PSD2: variants seen among roughly 807,000 people sequenced by gnomAD.
The protein encoded by PSD2 is PH and SEC7 domain-containing protein 2.
Under a neutral mutation model 69.8 loss-of-function variants are expected in PSD2, and 38 were observed. The observed-to-expected ratio is 0.54, with a 90% CI of 0.42 to 0.71. PSD2 has a LOEUF of 0.71. Ranked by LOEUF, PSD2 falls within the 30% of genes least tolerant of loss-of-function variation. The pLI is 0.00. For missense variants in PSD2, 943 were observed against 1,014.5 expected, an observed-to-expected ratio of 0.93 and a Z score of 0.96; for synonymous variants, 412 against 423.0, an observed-to-expected ratio of 0.97 and a Z score of 0.32.
rs754520216 is a variant in PSD2 at position 139,821,867 on chromosome 5, C to T, written c.1098-26C>T. On this transcript the variant is annotated intron_variant, in intron 5 of 14. Transcript: ENST00000274710. Reference sequence around the variant, plus strand: ...ACCCTGGGTGAGGACTCAGACTGCCCTCAGCAGCTTTGAATTGCCTTCCAG... The same window carrying T: ...ACCCTGGGTGAGGACTCAGACTGCCTTCAGCAGCTTTGAATTGCCTTCCAG... 15 of 1,487,554 alleles carry T rather than the reference C, an allele frequency of 1.0e-5. No individual in the cohort carries two copies. In the South Asian group the frequency reaches 1.8e-4, roughly 18 times the overall value. 92.1% of individuals were successfully genotyped at this position (1,487,554 alleles called of 1,614,324 possible). A position where few individuals can be genotyped will look rare whatever the true frequency, so the allele number is the denominator to read the frequency against.
the PSD2 span, among the ~76,000 whole-genome samples, chr5:139,763,828 C>T: frequency 6.6e-6 from 1 of 152,232 alleles, no homozygotes; most frequent in Non-Finnish European, 1.5e-5. Context: ...CTTGCTATGC[C>T]TGGTCGACTT....
chr5:139,796,551 A>T (rs1759534138), intron 1 of PSD2, among the ~76,000 whole-genome samples: 1 of 152,220 alleles, frequency 6.6e-6, no homozygotes, highest in South Asian at 2.1e-4. Flanking sequence ...CGTGGCAGTC[A>T]GGGCTGAGGA....
At chr5:139,766,911 TCC>T in the PSD2 span, among the ~76,000 whole-genome samples, 153 of 31,048 alleles carry the variant, frequency 4.9e-3, 5 homozygotes, top group Middle Eastern at 0.031. Flanking sequence ...TTCCCTCCCT[TCC>T]TTCCTTCCTT....
In PSD2 at chr5:139,840,052, A is replaced by G. The variant is rs755653845; in HGVS notation, c.1994A>G (p.Asn665Ser). ...GAGGAGCAACTGCGGTCTCATGAGA[A>G]TAAGTTGAGGCAGCTGACTGCGGAG... Reference protein sequence around the residue: ...CQEEQLRSHENKLRQLTAELA... With the variant: ...CQEEQLRSHESKLRQLTAELA... Residue 665 changes from asparagine to serine, a missense_variant, in exon 14 of 15, where the codon AAT becomes AGT. Asn to Ser is a conservative substitution (Grantham distance 46). Coordinates refer to ENST00000274710, the MANE Select transcript of PSD2 (RefSeq NM_032289.4). 1.3e-5 allele frequency: 21 copies of G among 1,614,104 alleles called. No individual in the cohort carries two copies. The Admixed American group carries it at 1.8e-4, about 14-fold the overall frequency.
the PSD2 span, among the ~76,000 whole-genome samples, chr5:139,755,362 G>A: frequency 1.3e-5 from 2 of 152,162 alleles, no homozygotes; most frequent in East Asian, 1.9e-4. Flanking sequence ...GAGGGGATTT[G>A]TGCTTTGATG....
At chr5:139,789,145 C>T in the PSD2 span, among the ~76,000 whole-genome samples, 1 of 152,242 alleles carries the variant, frequency 6.6e-6, no homozygotes, top group Non-Finnish European at 1.5e-5. Context: ...GCGTTTGTCC[C>T]TGGCCACTCA....
At chr5:139,764,353 AG>A in the PSD2 span, among the ~76,000 whole-genome samples, 2 of 152,136 alleles carry the variant, frequency 1.3e-5, no homozygotes, top group African/African-American at 4.8e-5. Context: ...CTTGGGCTGC[AG>A]TTCCGCCTGG....
At chr5:139,766,859 C>CTTTCTTTCTTTT in the PSD2 span, among the ~76,000 whole-genome samples, 1 of 149,744 alleles carries the variant, frequency 6.7e-6, no homozygotes, top group Non-Finnish European at 1.5e-5. Context: ...TTCTTTCTTT[C>CTTTCTTTCTTTT]TTTCTTTCTT....
At chr5:139,823,472 C>T (rs762466348) in intron 7 of PSD2, among the ~76,000 whole-genome samples, 2 of 152,184 alleles carry the variant, frequency 1.3e-5, no homozygotes, top group Non-Finnish European at 2.9e-5. Context: ...GGGAATATCT[C>T]AGTGACTCAT....
intron 4 of PSD2, 108 bp from the exon 5 acceptor site, chr5:139,817,373 T>G: frequency 1.1e-6 from 1 of 902,454 alleles, no homozygotes. Flanking sequence ...GTTGAGCAGG[T>G]CTAGGGGGTG....
At chr5:139,756,169 T>C in the PSD2 span, among the ~76,000 whole-genome samples, 2 of 152,108 alleles carry the variant, frequency 1.3e-5, no homozygotes, top group African/African-American at 4.8e-5. Flanking sequence ...AAGGGAGGGT[T>C]ATTTCTCCCC....
intron 7 of PSD2, among the ~76,000 whole-genome samples, chr5:139,825,642 T>G (rs934573423): frequency 7.3e-5 from 9 of 122,632 alleles, no homozygotes; most frequent in African/African-American, 2.3e-4. Flanking sequence ...TGTGGCTAGC[T>G]GGGGGTGCCA....
chr5:139,779,376 T>C, the PSD2 span, among the ~76,000 whole-genome samples: 12,998 of 152,246 alleles, frequency 0.085, 612 homozygotes, highest in African/African-American at 0.098. Context: ...TTCTAATTTA[T>C]TTTAGTGCCA....
intron 12 of PSD2, 105 bp from the exon 13 acceptor site, chr5:139,838,523 C>T (rs1760793522): frequency 1.6e-6 from 2 of 1,263,252 alleles, no homozygotes; most frequent in Admixed American, 1.8e-5. Context: ...TCTAGAGGTA[C>T]TGGTGCCTTC....
the PSD2 span, among the ~76,000 whole-genome samples, chr5:139,765,445 G>C: frequency 6.6e-6 from 1 of 152,158 alleles, no homozygotes; most frequent in Non-Finnish European, 1.5e-5. Context: ...CACATCCACT[G>C]TAGTTCCCCA....
upstream of PSD2, among the ~76,000 whole-genome samples, chr5:139,793,304 C>T (rs1250889106): frequency 1.3e-5 from 2 of 152,222 alleles, no homozygotes; most frequent in African/African-American, 4.8e-5. Context: ...ATACTCCCCT[C>T]TCCAGTGTCC....
upstream of PSD2, among the ~76,000 whole-genome samples, chr5:139,792,857 T>TATTTC (rs1759439546): frequency 9.6e-6 from 1 of 104,620 alleles, no homozygotes; most frequent in Non-Finnish European, 2.0e-5. Context: ...TTTCTTTCTG[T>TATTTC]CTTTCCTTCC....
chr5:139,809,955 T>A, intron 2 of PSD2, 144 bp downstream of exon 2: 1 of 919,076 alleles, frequency 1.1e-6, no homozygotes, highest in Non-Finnish European at 1.6e-6. Context: ...GCCCAGATTC[T>A]GGGTGTTTTG....
At chr5:139,753,640 A>G in the PSD2 span, among the ~76,000 whole-genome samples, 1 of 152,092 alleles carries the variant, frequency 6.6e-6, no homozygotes, top group African/African-American at 2.4e-5. Flanking sequence ...CTTGTGTTGG[A>G]TGCTGATGCT....
Sources: allele counts gnomAD v4.1 joint callset (sites outside exome capture counted in the v4.1 genomes callset), GRCh38; gene constraint gnomAD v4.1.1; transcripts MANE v1.5; gene names NCBI Gene and HGNC (gene_info 2026-07-23, HGNC 2026-07-21).